The following C8orf34 variants were observed in gnomAD, a reference collection of about 807,000 sequenced individuals.
C8orf34 encodes the protein uncharacterized protein C8orf34.
A neutral mutation model predicts 68.3 loss-of-function variants in C8orf34; 65 were observed. The observed-to-expected ratio is 0.95, with a 90% CI of 0.78 to 1.17. The LOEUF (loss-of-function observed/expected upper bound fraction) is 1.17. Ranked by LOEUF, C8orf34 falls within the 50% of genes most tolerant of loss-of-function variation. The probability of loss-of-function intolerance (pLI) is 0.00; values close to 1 mark genes in which losing one functional copy is unlikely to be tolerated. For missense variants in C8orf34, 664 were observed against 655.4 expected (o/e 1.01, Z -0.14); for synonymous variants, 244 against 241.2 (o/e 1.01, Z -0.11).
intron 5 of C8orf34, among the ~76,000 whole-genome samples, chr8:68,497,330 G>A (rs1166234871): frequency 6.6e-6 from 1 of 152,156 alleles, no homozygotes; most frequent in East Asian, 1.9e-4. Flanking sequence ...TGCTTACCTG[G>A]CAGATTAACA....
chr8:68,402,975 C>T (rs985818944), intron 1 of C8orf34, among the ~76,000 whole-genome samples: 8 of 152,146 alleles, frequency 5.3e-5, no homozygotes, highest in Non-Finnish European at 1.0e-4. Context: ...CTGTACCCCT[C>T]CCCAGTCACT....
intron 4 of C8orf34, among the ~76,000 whole-genome samples, chr8:68,477,088 T>C (rs1812651105): frequency 6.6e-6 from 1 of 152,186 alleles, no homozygotes; most frequent in African/African-American, 2.4e-5. Flanking sequence ...CTAGGTAACC[T>C]TTGTTTCCTT....
intron 3 of C8orf34, among the ~76,000 whole-genome samples, chr8:68,458,187 C>T (rs549248180): frequency 1.1e-4 from 17 of 152,250 alleles, no homozygotes; most frequent in Admixed American, 6.5e-4. Flanking sequence ...TCTCAAAAGT[C>T]GCCAAGGAAA....
chr8:68,676,187 A>G (rs1039772552), intron 8 of C8orf34, among the ~76,000 whole-genome samples: 2 of 152,062 alleles, frequency 1.3e-5, no homozygotes, highest in African/African-American at 2.4e-5. Context: ...CAGAAAAATT[A>G]TCCAGGTGTG....
At chr8:68,451,902 G>A (rs1811361059) in intron 3 of C8orf34, among the ~76,000 whole-genome samples, 1 of 151,980 alleles carries the variant, frequency 6.6e-6, no homozygotes, top group Non-Finnish European at 1.5e-5. Flanking sequence ...AAAATTATCT[G>A]CAAAGCATTA....
intron 9 of C8orf34, among the ~76,000 whole-genome samples, chr8:68,711,501 C>A (rs921873128): frequency 9.9e-5 from 15 of 152,026 alleles, no homozygotes; most frequent in Non-Finnish European, 7.4e-5. Context: ...ATCTAGGACA[C>A]ACTTAGAGAA....
intron 8 of C8orf34, among the ~76,000 whole-genome samples, chr8:68,691,935 A>G (rs918964398): frequency 6.6e-6 from 1 of 152,086 alleles, no homozygotes; most frequent in East Asian, 1.9e-4. Context: ...ACATGAGACA[A>G]AGCTGAGCAA....
intron 5 of C8orf34, among the ~76,000 whole-genome samples, chr8:68,511,961 T>C (rs1021844370): frequency 6.6e-6 from 1 of 152,232 alleles, no homozygotes; most frequent in Middle Eastern, 3.2e-3. Context: ...TTTTGCTTGA[T>C]ATTTGGGAAC....
intron 7 of C8orf34, among the ~76,000 whole-genome samples, chr8:68,624,839 G>T (rs541284920): frequency 5.6e-4 from 85 of 151,760 alleles, no homozygotes; most frequent in South Asian, 1.5e-3. Flanking sequence ...GGAATCAAAT[G>T]GTCCTTCTGC....
chr8:68,767,152 C>T (rs72668529), intron 10 of C8orf34, among the ~76,000 whole-genome samples: 2,009 of 152,196 alleles, frequency 0.013, 22 homozygotes, highest in Non-Finnish European at 0.021. Flanking sequence ...TGAGATCTCA[C>T]GCCACTGCAC....
At chr8:68,456,164 G>A (rs1464851922) in intron 3 of C8orf34, among the ~76,000 whole-genome samples, 1 of 151,632 alleles carries the variant, frequency 6.6e-6, no homozygotes, top group African/African-American at 2.4e-5. Context: ...GCTGAGGCAG[G>A]AGAATCACTT....
At chr8:68,580,145 C>T (rs937171242) in intron 7 of C8orf34, among the ~76,000 whole-genome samples, 1 of 152,010 alleles carries the variant, frequency 6.6e-6, no homozygotes, top group Non-Finnish European at 1.5e-5. Flanking sequence ...TATTCATTCG[C>T]AGAACCATAA....
At chr8:68,704,088 A>G (rs182048095) in intron 8 of C8orf34, among the ~76,000 whole-genome samples, 3 of 152,324 alleles carry the variant, frequency 2.0e-5, no homozygotes, top group South Asian at 4.1e-4. Context: ...ACCAAGCTCT[A>G]TCTAAGCTAG....
intron 8 of C8orf34, among the ~76,000 whole-genome samples, chr8:68,706,164 A>AT (rs927786349): frequency 2.0e-5 from 3 of 152,168 alleles, no homozygotes; most frequent in African/African-American, 7.2e-5. Flanking sequence ...TAGAATGATG[A>AT]TTTTCTCGAT....
chr8:68,785,114 G>A (rs892193248), intron 11 of C8orf34, among the ~76,000 whole-genome samples: 1 of 151,914 alleles, frequency 6.6e-6, no homozygotes, highest in Non-Finnish European at 1.5e-5. Context: ...GGAGGCTGAG[G>A]CAGGAGGATC....
chr8:68,469,593 T>C (rs1475356285), intron 4 of C8orf34, among the ~76,000 whole-genome samples: 3 of 152,038 alleles, frequency 2.0e-5, no homozygotes, highest in Non-Finnish European at 4.4e-5. Context: ...GTTTTAGTAG[T>C]GAGTTAAAAG....
At chr8:68,587,616 A>G (rs763901176) in intron 7 of C8orf34, among the ~76,000 whole-genome samples, 1 of 152,140 alleles carries the variant, frequency 6.6e-6, no homozygotes, top group African/African-American at 2.4e-5. Flanking sequence ...TAAAACTAAG[A>G]AAATGAAATT....
At chr8:68,589,465 A>G (rs921865359) in intron 7 of C8orf34, among the ~76,000 whole-genome samples, 1 of 149,210 alleles carries the variant, frequency 6.7e-6, no homozygotes, top group Non-Finnish European at 1.5e-5. Context: ...AAGAGAAAGA[A>G]AGAAGAAAGA....
chr8:68,712,147 G>A (rs1585766990), intron 9 of C8orf34, among the ~76,000 whole-genome samples: 1 of 152,224 alleles, frequency 6.6e-6, no homozygotes, highest in Non-Finnish European at 1.5e-5. Flanking sequence ...GAAAGAATGT[G>A]TCACTCCCAA....
Sources: allele counts gnomAD v4.1 joint callset (sites outside exome capture counted in the v4.1 genomes callset), GRCh38; gene constraint gnomAD v4.1.1; transcripts MANE v1.5; gene names NCBI Gene and HGNC (gene_info 2026-07-23, HGNC 2026-07-21).